The following GATAD2B variants were observed in gnomAD, a reference collection of about 807,000 sequenced individuals.
The protein encoded by GATAD2B is transcriptional repressor p66-beta.
In GATAD2B, 8 loss-of-function variants were observed where a neutral mutation model predicts 64.3. The ratio of observed to expected loss-of-function variants is 0.12; its 90% CI spans 0.07 to 0.22. The LOEUF is 0.22. Among genes scored for constraint, GATAD2B ranks in the 10% least tolerant of loss-of-function variants. GATAD2B has a pLI of 1.00. For missense variants in GATAD2B, 453 were observed against 752.0 expected, an observed-to-expected ratio of 0.60 and a Z score of 4.65; for synonymous variants, 281 against 271.3, an observed-to-expected ratio of 1.04 and a Z score of -0.35.
intron 1 of GATAD2B, among the ~76,000 whole-genome samples, chr1:153,912,451 G>A (rs1417752966): frequency 6.6e-6 from 1 of 152,164 alleles, no homozygotes; most frequent in African/African-American, 2.4e-5. Context: ...ATAAATTTAT[G>A]CATGGACACT....
intron 1 of GATAD2B, among the ~76,000 whole-genome samples, chr1:153,841,128 A>C (rs1557797060): frequency 6.6e-6 from 1 of 150,928 alleles, no homozygotes; most frequent in South Asian, 2.1e-4. Context: ...CCGTCTCAAA[A>C]AAAAAAAAAA....
rs528961648 is a variant in GATAD2B at position 153,891,113 on chromosome 1, G to A, written c.-2+31620C>T. On this transcript the variant is annotated intron_variant, in intron 1 of 10. Coordinates refer to ENST00000368655, the MANE Select transcript of GATAD2B (RefSeq NM_020699.4). ...GAAGGAGAACTGCTTGAACCTGGGA[G>A]GCGGAGTTTGCAGTGAGCTGAGATC... Among the ~76,000 whole-genome samples, 3 of 152,084 alleles carry A rather than the reference G, an allele frequency of 2.0e-5. No homozygotes were observed. The South Asian group carries it at 6.2e-4, about 32-fold the overall frequency.
At chr1:153,834,960 AAAT>A (rs1220959503) in intron 1 of GATAD2B, among the ~76,000 whole-genome samples, 2 of 151,916 alleles carry the variant, frequency 1.3e-5, no homozygotes, top group African/African-American at 4.8e-5. Flanking sequence ...TCTCTACAGA[AAAT>A]AAAAAAAAAA....
chr1:153,867,482 T>C (rs1468130207), intron 1 of GATAD2B, among the ~76,000 whole-genome samples: 2 of 151,770 alleles, frequency 1.3e-5, no homozygotes, highest in East Asian at 3.9e-4. Context: ...GTACTCCAGC[T>C]TGGGTGACAG....
chr1:153,832,397 T>TA (rs1675110272), intron 1 of GATAD2B, among the ~76,000 whole-genome samples: 1 of 152,210 alleles, frequency 6.6e-6, no homozygotes, highest in South Asian at 2.1e-4. Flanking sequence ...AGCCAAAGCG[T>TA]AATTCAGAAT....
intron 1 of GATAD2B, among the ~76,000 whole-genome samples, chr1:153,843,374 A>T (rs1260455993): frequency 6.6e-6 from 1 of 152,080 alleles, no homozygotes; most frequent in Non-Finnish European, 1.5e-5. Flanking sequence ...AGCAATCTGC[A>T]GCCTCAAATT....
At chr1:153,852,067 G>A (rs1675916135) in intron 1 of GATAD2B, 2 of 534,368 alleles carry the variant, frequency 3.7e-6, no homozygotes, top group African/African-American at 1.9e-5. Context: ...TTAACTGGCT[G>A]GCCGCATCAT....
At chr1:153,813,682 G>A (rs556623460) in intron 7 of GATAD2B, among the ~76,000 whole-genome samples, 6 of 152,288 alleles carry the variant, frequency 3.9e-5, no homozygotes, top group African/African-American at 1.4e-4. Flanking sequence ...AGAAGTCGAA[G>A]AAATGTAGCT....
chr1:153,902,442 T>C (rs1677807471), intron 1 of GATAD2B, among the ~76,000 whole-genome samples: 1 of 152,138 alleles, frequency 6.6e-6, no homozygotes, highest in Non-Finnish European at 1.5e-5. Context: ...ATATTATACC[T>C]AGTATTATAA....
intron 1 of GATAD2B, among the ~76,000 whole-genome samples, chr1:153,862,874 G>C (rs992822709): frequency 6.6e-6 from 1 of 151,682 alleles, no homozygotes; most frequent in Non-Finnish European, 1.5e-5. Context: ...ACAGGCATGC[G>C]CCACCATACC....
rs560769649 is a variant in GATAD2B at position 153,811,643 on chromosome 1, G to T, written c.1648+88C>A. On this transcript the variant is annotated intron_variant, in intron 10 of 10. Coordinates refer to ENST00000368655, the MANE Select transcript of GATAD2B (RefSeq NM_020699.4). Reference sequence around the variant, plus strand: ...CCTAAAGAAAGAACAGAAAGTAAAGGAACAATTCCCTTAAAGGGGCTGCTA... The same window carrying T: ...CCTAAAGAAAGAACAGAAAGTAAAGTAACAATTCCCTTAAAGGGGCTGCTA... 19 of 814,874 alleles carry T rather than the reference G, an allele frequency of 2.3e-5. No homozygotes were observed. In the East Asian group the frequency reaches 4.1e-4, roughly 18 times the overall value. The allele number at this position is 814,874 out of a possible 1,614,324, so 50.5% of individuals were successfully genotyped here.
intron 1 of GATAD2B, among the ~76,000 whole-genome samples, chr1:153,889,487 G>A (rs1013475072): frequency 2.7e-5 from 4 of 150,440 alleles, no homozygotes; most frequent in African/African-American, 9.8e-5. Context: ...CTCTGGGCAG[G>A]CAAGTTCAGA....
In GATAD2B at chr1:153,820,721, C is replaced by T. The variant is rs182992622; in HGVS notation, c.336-986G>A. On this transcript the variant is annotated intron_variant, in intron 2 of 10. Coordinates refer to ENST00000368655, the MANE Select transcript of GATAD2B (RefSeq NM_020699.4). ...CACAGCTCACTGCAGCCTTGACCTC[C>T]TGAGCTCAAGCGATCCTCCCACCTC... Among the ~76,000 whole-genome samples the T allele has an allele frequency of 6.2e-3, 940 of 151,862 alleles. 14 individuals carry two copies. The highest frequency in any genetic ancestry group is 9.2e-3 in the Non-Finnish European group (625 of 67,952).
chr1:153,813,201 G>A, intron 8 of GATAD2B, 49 bp downstream of exon 8: 1 of 1,503,494 alleles, frequency 6.7e-7, no homozygotes, highest in Non-Finnish European at 9.2e-7. Context: ...GCGACCCTTT[G>A]GAAAAAACAA....
At chr1:153,853,101 A>G (rs1040330645) in intron 1 of GATAD2B, 27 of 1,484,322 alleles carry the variant, frequency 1.8e-5, no homozygotes, top group Non-Finnish European at 2.4e-5. Flanking sequence ...ATTGGCAACA[A>G]CCTGAGTTGA....
intron 1 of GATAD2B, among the ~76,000 whole-genome samples, chr1:153,913,772 T>C (rs180987683): frequency 2.7e-5 from 4 of 149,782 alleles, no homozygotes; most frequent in African/African-American, 4.9e-5. Flanking sequence ...CAAAAAAAAT[T>C]AGCCAGGCAT....
At chr1:153,861,204 T>C (rs997488426) in intron 1 of GATAD2B, among the ~76,000 whole-genome samples, 3 of 152,104 alleles carry the variant, frequency 2.0e-5, no homozygotes, top group Non-Finnish European at 2.9e-5. Flanking sequence ...TGCCTCCAAA[T>C]TGCTTCTAAT....
chr1:153,865,103 TTTC>T (rs1415408544), intron 1 of GATAD2B, among the ~76,000 whole-genome samples: 27 of 150,976 alleles, frequency 1.8e-4, no homozygotes, highest in Non-Finnish European at 4.4e-5. Context: ...TACTACATAA[TTTC>T]TTATTTAGTA....
rs1434571941 is a variant in GATAD2B at position 153,805,278 on chromosome 1, A to C, written c.*4899T>G. 1 of 152,172 alleles carries C rather than the reference A, an allele frequency of 6.6e-6. No homozygotes were observed. Among genetic ancestry groups the C allele is most frequent in the African/African-American group, 2.4e-5 (1 of 41,424 alleles). 9.4% of individuals were successfully genotyped at this position (152,172 alleles called of 1,614,324 possible). ...AGATGAAATCTGAGGAAAGGAGACA[A>C]AATGTGGGCTGTGTCTGCGCTCTCC... On this transcript the variant is annotated 3_prime_UTR_variant, in exon 11 of 11. Transcript: ENST00000368655.
Sources: allele counts gnomAD v4.1 joint callset (sites outside exome capture counted in the v4.1 genomes callset), GRCh38; gene constraint gnomAD v4.1.1; transcripts MANE v1.5; gene names NCBI Gene and HGNC (gene_info 2026-07-23, HGNC 2026-07-21).